The following NFKB1 variants were observed in gnomAD, a reference collection of about 807,000 sequenced individuals.
NFKB1 encodes nuclear factor kappa B subunit 1, also known as nuclear factor NF-kappa-B p105 subunit.
NFKB1 carries 9 observed loss-of-function variants against 105.1 expected under a neutral mutation model. That is an observed-to-expected ratio of 0.09 (90% CI 0.05 to 0.15). The LOEUF is 0.15. NFKB1 is among the 10% of genes least tolerant of loss of function. The pLI is 1.00. For missense variants in NFKB1, 830 were observed against 1,203.7 expected, an observed-to-expected ratio of 0.69 and a Z score of 4.59; for synonymous variants, 440 against 442.2, an observed-to-expected ratio of 1.00 and a Z score of 0.06.
intron 5 of NFKB1, among the ~76,000 whole-genome samples, chr4:102,561,508 G>C (rs1295592732): frequency 6.6e-6 from 1 of 152,018 alleles, no homozygotes; most frequent in Non-Finnish European, 1.5e-5. Context: ...ACACTCTCTA[G>C]GCAAAGTAGA....
chr4:102,588,097 G>A (rs914890648), intron 11 of NFKB1, among the ~76,000 whole-genome samples: 4 of 151,944 alleles, frequency 2.6e-5, no homozygotes, highest in South Asian at 2.1e-4. Context: ...CTACCACCCC[G>A]AGTACAAAGA....
At chr4:102,558,592 A>G (rs1159781131) in intron 5 of NFKB1, among the ~76,000 whole-genome samples, 2 of 152,174 alleles carry the variant, frequency 1.3e-5, no homozygotes, top group East Asian at 1.9e-4. Context: ...CCACAATATG[A>G]CAAGCATTAT....
intron 3 of NFKB1, 76 bp from the exon 4 acceptor site, chr4:102,533,769 C>T (rs895938561): frequency 2.9e-5 from 36 of 1,245,530 alleles, no homozygotes; most frequent in Non-Finnish European, 4.0e-5. Context: ...CAGTTTTTTA[C>T]TTGCTTTACG....
At chr4:102,517,282 A>G (rs3774938) in intron 1 of NFKB1, among the ~76,000 whole-genome samples, 61,310 of 151,924 alleles carry the variant, frequency 0.4, 12,527 homozygotes, top group Admixed American at 0.47. Context: ...ACCTTATAAT[A>G]TATAGCCCTA....
At position 102,612,067 on chromosome 4, in the gene NFKB1, A is replaced by T. The variant is rs1227116065; in HGVS notation, c.2376A>T (p.Lys792Asn). ...AGGTATTTGACATATTAAATGGGAA[A>T]CCATATGAGCCAGAGTTTACATCTG... Reference protein sequence around the residue: ...SWQVFDILNGKPYEPEFTSDD... With the variant: ...SWQVFDILNGNPYEPEFTSDD... The change falls in exon 21 of 24, where the codon AAA becomes AAT. Residue 792 changes from lysine to asparagine, a missense_variant. Physicochemically the swap from Lys to Asn is moderately conservative, Grantham distance 94. Coordinates refer to ENST00000226574, the MANE Select transcript of NFKB1 (RefSeq NM_003998.4). The T allele has an allele frequency of 2.5e-6, 4 of 1,614,014 alleles. No individual in the cohort carries two copies.
At position 102,597,497 on chromosome 4, in the gene NFKB1, T is replaced by G. The variant is rs774621913; in HGVS notation, c.1496-23T>G. ...AAACAAAAGTAGGAACACTCAACTA[T>G]GATTGTGGTCATTGCCTTACAGATA... On this transcript the variant is annotated intron_variant, in intron 14 of 23. Coordinates refer to ENST00000226574, the MANE Select transcript of NFKB1 (RefSeq NM_003998.4). The G allele has an allele frequency of 4.6e-5, 73 of 1,594,150 alleles. No individual in the cohort carries two copies. Among genetic ancestry groups the G allele is most frequent in the Non-Finnish European group, 6.1e-5 (71 of 1,167,058 alleles).
chr4:102,540,490 T>G lies in NFKB1; in HGVS notation c.258+2534T>G, dbSNP rs567488892. On this transcript the variant is annotated intron_variant, in intron 5 of 23. Coordinates refer to ENST00000226574, the MANE Select transcript of NFKB1 (RefSeq NM_003998.4). Reference sequence around the variant, plus strand: ...TGGGAAATATAGATATGTAAACGACTAATAATAAAGCAGGTTCAACTACAG... The same window carrying G: ...TGGGAAATATAGATATGTAAACGACGAATAATAAAGCAGGTTCAACTACAG... 1.7e-4 allele frequency among the ~76,000 whole-genome samples: 26 copies of G among 152,350 alleles called. No individual in the cohort carries two copies. In the South Asian group the frequency reaches 2.1e-3, roughly 12 times the overall value.
At chr4:102,570,383 T>C (rs1560682825) in intron 6 of NFKB1, among the ~76,000 whole-genome samples, 1 of 152,164 alleles carries the variant, frequency 6.6e-6, no homozygotes, top group Non-Finnish European at 1.5e-5. Context: ...CTGCAAAACA[T>C]ATGATCTTAT....
At chr4:102,525,580 T>C in intron 2 of NFKB1, 23 bp downstream of exon 2, 1 of 1,589,366 alleles carries the variant, frequency 6.3e-7, no homozygotes, top group Non-Finnish European at 8.6e-7. Flanking sequence ...ATCTCACTGA[T>C]AACTTTATTT....
At chr4:102,529,230 A>G (rs1741120326) in intron 2 of NFKB1, among the ~76,000 whole-genome samples, 1 of 152,136 alleles carries the variant, frequency 6.6e-6, no homozygotes, top group Non-Finnish European at 1.5e-5. Flanking sequence ...GATTCCAGGT[A>G]TTTTGTGTTA....
chr4:102,581,493 C>T (rs1412972517), intron 9 of NFKB1, among the ~76,000 whole-genome samples: 1 of 151,720 alleles, frequency 6.6e-6, no homozygotes, highest in East Asian at 1.9e-4. Context: ...ATACTTTATC[C>T]AAAAAAATTT....
chr4:102,576,700 C>G (rs191509710), intron 6 of NFKB1, among the ~76,000 whole-genome samples, 176 bp from the exon 7 acceptor site: 1 of 152,044 alleles, frequency 6.6e-6, no homozygotes, highest in Admixed American at 6.6e-5. Flanking sequence ...CATATATTGC[C>G]TTTTTAACAT....
chr4:102,524,773 A>G lies in NFKB1; in HGVS notation c.-7-739A>G, dbSNP rs182220085. Among the ~76,000 whole-genome samples the G allele has an allele frequency of 7.9e-4, 120 of 152,234 alleles. 1 individual carries two copies. Among genetic ancestry groups the G allele is most frequent in the African/African-American group, 2.4e-3 (99 of 41,540 alleles). Reference sequence around the variant, plus strand: ...GTTAGATTCTCATAAGGAGCGGGCAATCTAGATCCCTTGCATGCACAGTTC... The same window carrying G: ...GTTAGATTCTCATAAGGAGCGGGCAGTCTAGATCCCTTGCATGCACAGTTC... On this transcript the variant is annotated intron_variant, in intron 1 of 23. Transcript: ENST00000226574.
chr4:102,579,652 T>G (rs1471505346), intron 8 of NFKB1, among the ~76,000 whole-genome samples: 1 of 138,082 alleles, frequency 7.2e-6, no homozygotes, highest in Non-Finnish European at 1.6e-5. Context: ...AAAAAATATA[T>G]ATATATATAT....
intron 19 of NFKB1, among the ~76,000 whole-genome samples, chr4:102,609,074 G>C (rs1462766452): frequency 6.7e-6 from 1 of 149,448 alleles, no homozygotes; most frequent in East Asian, 2.0e-4. Flanking sequence ...TATCACTTGA[G>C]CCTGTGAGTT....
chr4:102,537,907 T>G lies in NFKB1; in HGVS notation c.209T>G (p.Leu70Arg). 6.2e-7 allele frequency: 1 copy of G among 1,612,856 alleles called. No individual in the cohort carries two copies. The highest frequency in any genetic ancestry group is 8.5e-7 in the Non-Finnish European group (1 of 1,179,022). ...TGTGAAGGCCCATCCCATGGTGGAC[T>G]ACCTGGTGCCTCTAGTGAAAAGAAC... ...YVCEGPSHGG[L>R]PGASSEKNKK... Residue 70 changes from leucine to arginine, a missense_variant, in exon 5 of 24, where the codon CTA becomes CGA. This residue lies in a region of NFKB1 where 15 missense variants were observed against 45.9 expected (regional missense o/e 0.33). Transcript: ENST00000226574.
chr4:102,594,680 G>C (rs1203360544), intron 12 of NFKB1, among the ~76,000 whole-genome samples: 1 of 152,102 alleles, frequency 6.6e-6, no homozygotes, highest in East Asian at 1.9e-4. Flanking sequence ...GGTGCTGTCA[G>C]AGTTGCCAAC....
chr4:102,590,079 A>G (rs910550394), intron 11 of NFKB1, among the ~76,000 whole-genome samples: 1 of 152,138 alleles, frequency 6.6e-6, no homozygotes, highest in Non-Finnish European at 1.5e-5. Context: ...CAGTCACCAG[A>G]GGTTACAGAT....
At chr4:102,523,022 A>C (rs576128527) in intron 1 of NFKB1, among the ~76,000 whole-genome samples, 2 of 152,310 alleles carry the variant, frequency 1.3e-5, no homozygotes, top group African/African-American at 4.8e-5. Context: ...TGTTCTTTGA[A>C]TAGGCATTTA....
Sources: allele counts gnomAD v4.1 joint callset (sites outside exome capture counted in the v4.1 genomes callset), GRCh38; gene constraint gnomAD v4.1.1; regional missense constraint gnomAD v4.1.1; transcripts MANE v1.5; gene names NCBI Gene and HGNC (gene_info 2026-07-23, HGNC 2026-07-21).